Variants in DCHS2 observed in about 807,000 individuals in gnomAD.
DCHS2 encodes the protein dachsous cadherin-related 2.
DCHS2 carries 142 observed loss-of-function variants against 182.4 expected under a neutral mutation model. The ratio of observed to expected loss-of-function variants is 0.78; its 90% CI spans 0.68 to 0.89. The LOEUF is 0.89. DCHS2 is among the 40% of genes least tolerant of loss of function. The pLI is 0.00. For missense variants in DCHS2, 4,319 were observed against 4,198.6 expected, an observed-to-expected ratio of 1.03 and a Z score of -0.79; for synonymous variants, 1,740 against 1,663.3, an observed-to-expected ratio of 1.05 and a Z score of -1.12.
At position 154,334,873 on chromosome 4, in the gene DCHS2, G is replaced by T. The variant is rs774402105; in HGVS notation, c.2708C>A (p.Pro903His). 6.2e-7 allele frequency: 1 copy of T among 1,609,650 alleles called. No individual in the cohort carries two copies. Among genetic ancestry groups the T allele is most frequent in the Non-Finnish European group, 8.5e-7 (1 of 1,176,034 alleles). Reference protein sequence around the residue: ...SPIGTVKAREPLNSSEPIFYR... With the variant: ...SPIGTVKAREHLNSSEPIFYR... Reference sequence around the variant, plus strand: ...CATAAGAAATAAGTACTTACTCAAGGGCTCTCTTGCTTTCACTGTTCCAAT... The same window carrying T: ...CATAAGAAATAAGTACTTACTCAAGTGCTCTCTTGCTTTCACTGTTCCAAT... The change falls in exon 4 of 20, where the codon CCC becomes CAC. Residue 903 changes from proline to histidine, a missense_variant. Pro to His is a moderately conservative substitution (Grantham distance 77). Coordinates refer to ENST00000357232, the MANE Select transcript of DCHS2 (RefSeq NM_001358235.2).
At chr4:154,251,463 G>T (rs1732355999) in intron 16 of DCHS2, among the ~76,000 whole-genome samples, 1 of 152,058 alleles carries the variant, frequency 6.6e-6, no homozygotes, top group Non-Finnish European at 1.5e-5. Context: ...TTCCATAAAT[G>T]GAAACTATTG....
intron 10 of DCHS2, among the ~76,000 whole-genome samples, chr4:154,312,568 T>G (rs1185050249): frequency 6.6e-6 from 1 of 151,832 alleles, no homozygotes; most frequent in East Asian, 1.9e-4. Context: ...AAAACACAAA[T>G]AAATAAAAAT....
At chr4:154,397,669 C>T (rs1731992089) in intron 1 of DCHS2, among the ~76,000 whole-genome samples, 1 of 152,108 alleles carries the variant, frequency 6.6e-6, no homozygotes, top group South Asian at 2.1e-4. Context: ...GAGTTTTACC[C>T]ATTCCATAGT....
intron 9 of DCHS2, among the ~76,000 whole-genome samples, chr4:154,317,512 C>T (rs987868646): frequency 6.6e-6 from 1 of 152,200 alleles, no homozygotes; most frequent in African/African-American, 2.4e-5. Flanking sequence ...AGACTATAAT[C>T]ATGACTTCCA....
chr4:154,402,928 A>G (rs1485533348), intron 1 of DCHS2, among the ~76,000 whole-genome samples: 1 of 152,114 alleles, frequency 6.6e-6, no homozygotes, highest in East Asian at 1.9e-4. Flanking sequence ...TAGTTATCTG[A>G]TTTTTGATAC....
intron 1 of DCHS2, among the ~76,000 whole-genome samples, chr4:154,457,770 T>C (rs1305104382): frequency 6.6e-6 from 1 of 152,092 alleles, no homozygotes; most frequent in African/African-American, 2.4e-5. Flanking sequence ...ATTGCTTCTC[T>C]CCCCCGCCTC....
intron 12 of DCHS2, among the ~76,000 whole-genome samples, chr4:154,299,265 T>C (rs1280356786): frequency 3.9e-5 from 6 of 152,196 alleles, no homozygotes; most frequent in African/African-American, 1.4e-4. Context: ...CATAACACTT[T>C]GGTTAGAGTT....
intron 7 of DCHS2, chr4:154,323,089 C>A (rs968854733): frequency 1.7e-5 from 19 of 1,139,262 alleles, no homozygotes; most frequent in African/African-American, 3.1e-5. Context: ...TTTGTCCTTG[C>A]AATTTATTTG....
intron 3 of DCHS2, among the ~76,000 whole-genome samples, chr4:154,351,992 A>T (rs1439904296): frequency 6.6e-6 from 1 of 152,072 alleles, no homozygotes; most frequent in Non-Finnish European, 1.5e-5. Context: ...TCACAGTTAT[A>T]GCTAGGTGCA....
intron 13 of DCHS2, among the ~76,000 whole-genome samples, chr4:154,274,614 G>A (rs1373928484): frequency 1.3e-5 from 2 of 152,096 alleles, no homozygotes; most frequent in African/African-American, 4.8e-5. Flanking sequence ...ATTTTGCTCA[G>A]TGTAATTTTT....
At chr4:154,452,546 C>A (rs1475836447) in intron 1 of DCHS2, among the ~76,000 whole-genome samples, 1 of 152,042 alleles carries the variant, frequency 6.6e-6, no homozygotes, top group Non-Finnish European at 1.5e-5. Flanking sequence ...ATCTCTTGAA[C>A]CCAGGAGGCA....
At chr4:154,342,796 T>C (rs1408312140) in intron 3 of DCHS2, among the ~76,000 whole-genome samples, 1 of 152,142 alleles carries the variant, frequency 6.6e-6, no homozygotes, top group African/African-American at 2.4e-5. Flanking sequence ...ACTCCTATGT[T>C]AACCTCCCTC....
chr4:154,474,682 A>G (rs1735614052), intron 1 of DCHS2, among the ~76,000 whole-genome samples: 1 of 110,720 alleles, frequency 9.0e-6, no homozygotes, highest in African/African-American at 3.0e-5. Context: ...TCCCGGGCCA[A>G]GCCTCTTGGC....
Position 154,231,781 on chromosome 4 carries a change from C to CTATT in DCHS2, c.*2751_*2754dup, listed in dbSNP as rs1166861208. 1.3e-5 allele frequency: 2 copies of CTATT among 152,052 alleles called. No individual in the cohort carries two copies. Among genetic ancestry groups the CTATT allele is most frequent in the Non-Finnish European group, 2.9e-5 (2 of 67,992 alleles). The allele number at this position is 152,052 out of a possible 1,614,324, so 9.4% of individuals were successfully genotyped here. On this transcript the variant is annotated 3_prime_UTR_variant, in exon 20 of 20. Transcript: ENST00000357232. ...CACAAATCCTGTCTCAACTGGACGTCTATTATAGATTGAATATGAATACAT... is the reference window on the plus strand; with the variant it reads ...CACAAATCCTGTCTCAACTGGACGTCTATTTATTATAGATTGAATATGAATACAT...
At chr4:154,488,329 C>T (rs920353327) in intron 1 of DCHS2, among the ~76,000 whole-genome samples, 1 of 152,062 alleles carries the variant, frequency 6.6e-6, no homozygotes, top group Admixed American at 6.6e-5. Context: ...TGTACAGTGC[C>T]CCATTTTATA....
In DCHS2 at chr4:154,332,976, G is replaced by A; in HGVS notation, c.3232C>T (p.His1078Tyr). ...VLTVVIEKRE[H>Y]SPSWTFEHLV... Reference sequence around the variant, plus strand: ...TGTTCGAAAGTCCAGGATGGGCTGTGTTCGCGTTTCTCGATAACGACTGTC... The same window carrying A: ...TGTTCGAAAGTCCAGGATGGGCTGTATTCGCGTTTCTCGATAACGACTGTC... The change falls in exon 5 of 20, where the codon CAC (histidine) becomes TAC (tyrosine). Residue 1078 changes from histidine (H) to tyrosine (Y), a missense_variant. Coordinates refer to ENST00000357232, the MANE Select transcript of DCHS2 (RefSeq NM_001358235.2). 1 of 1,614,192 alleles carries A rather than the reference G, an allele frequency of 6.2e-7. No homozygotes were observed. The highest frequency in any genetic ancestry group is 1.1e-5 in the South Asian group (1 of 91,084).
rs555546818 is a variant in DCHS2, at chr4:154,325,316, C to CATGTGTGT, written c.4018+2776_4018+2777insACACACAT. ...AGTGGTATTATAGCAGGATTATAGC[C>CATGTGTGT]GTGTGTGTGTGTGTGTGTGTGTGTG... On this transcript the variant is annotated intron_variant, in intron 7 of 19. Transcript: ENST00000357232. 2.2e-3 allele frequency among the ~76,000 whole-genome samples: 320 copies of CATGTGTGT among 142,754 alleles called. 3 individuals are homozygous for CATGTGTGT. Among genetic ancestry groups the CATGTGTGT allele is most frequent in the African/African-American group, 7.3e-3 (281 of 38,278 alleles). The allele number at this position is 142,754 out of a possible 152,430, so 93.7% of individuals were successfully genotyped here. A position where few individuals can be genotyped will look rare whatever the true frequency, so the allele number is the denominator to read the frequency against.
chr4:154,483,232 G>A (rs1343305319), intron 1 of DCHS2, among the ~76,000 whole-genome samples: 1 of 152,110 alleles, frequency 6.6e-6, no homozygotes, highest in East Asian at 1.9e-4. Context: ...ACTAAAGCAA[G>A]GAGGGGGGTG....
chr4:154,423,339 A>G (rs1332500010), intron 1 of DCHS2, among the ~76,000 whole-genome samples: 2 of 152,244 alleles, frequency 1.3e-5, no homozygotes, highest in Admixed American at 6.5e-5. Flanking sequence ...TTCCTAGAAC[A>G]TAATGTTTTC....
Sources: allele counts gnomAD v4.1 joint callset (sites outside exome capture counted in the v4.1 genomes callset), GRCh38; gene constraint gnomAD v4.1.1; transcripts MANE v1.5; gene names NCBI Gene and HGNC (gene_info 2026-07-23, HGNC 2026-07-21).